TWIST2: variants seen among roughly 807,000 people sequenced by gnomAD.
The protein encoded by TWIST2 is twist-related protein 2.
TWIST2 carries 1 observed loss-of-function variant against 11.6 expected under a neutral mutation model. That is an observed-to-expected ratio of 0.09 (90% CI 0.03 to 0.41). The LOEUF is 0.41. Among genes scored for constraint, TWIST2 ranks in the 10% least tolerant of loss-of-function variants. TWIST2 has a pLI of 0.98. For missense variants in TWIST2, 168 were observed against 226.4 expected (o/e 0.74, Z 1.66); for synonymous variants, 87 against 96.6 (o/e 0.90, Z 0.58).
At chr2:238,877,654 T>C (rs998459739) in intron 1 of TWIST2, among the ~76,000 whole-genome samples, 4 of 152,284 alleles carry the variant, frequency 2.6e-5, no homozygotes, top group African/African-American at 7.2e-5. Context: ...TGAAGAAAAA[T>C]CTCTTAGCTA....
chr2:238,869,389 C>G (rs151001562), intron 1 of TWIST2, among the ~76,000 whole-genome samples: 3 of 152,156 alleles, frequency 2.0e-5, no homozygotes, highest in African/African-American at 7.2e-5. Flanking sequence ...TCCTTTGTAT[C>G]GAAGAACACA....
rs866183438 is a variant in TWIST2, at chr2:238,870,047, G to C, written c.*35+21314G>C. 2.9e-5 allele frequency among the ~76,000 whole-genome samples: 4 copies of C among 140,102 alleles called. No individual in the cohort carries two copies. The South Asian group carries it at 9.3e-4, about 33-fold the overall frequency. 91.9% of individuals were successfully genotyped at this position (140,102 alleles called of 152,430 possible). A position where few individuals can be genotyped will look rare whatever the true frequency, so the allele number is the denominator to read the frequency against. On this transcript the variant is annotated intron_variant, in intron 1 of 1. Coordinates refer to ENST00000612363, the MANE Select transcript of TWIST2 (RefSeq NM_001271893.4). Reference sequence around the variant, plus strand: ...AACCAGTGCTATAGAAGACAGTACGGAGGGTCCTCAAAAAATAAAATGCAG... The same window carrying C: ...AACCAGTGCTATAGAAGACAGTACGCAGGGTCCTCAAAAAATAAAATGCAG...
intron 1 of TWIST2, among the ~76,000 whole-genome samples, chr2:238,881,483 A>T (rs1048246245): frequency 1.3e-5 from 2 of 151,758 alleles, no homozygotes; most frequent in Non-Finnish European, 2.9e-5. Flanking sequence ...GTTAGTATCT[A>T]TTAGTGTGTT....
At chr2:238,895,390 C>T (rs1479801356) in intron 1 of TWIST2, among the ~76,000 whole-genome samples, 1 of 152,242 alleles carries the variant, frequency 6.6e-6, no homozygotes, top group African/African-American at 2.4e-5. Context: ...CCAGAAGGCC[C>T]TCCAGCACCA....
chr2:238,852,532 G>T (rs1692260214), intron 1 of TWIST2, among the ~76,000 whole-genome samples: 1 of 152,196 alleles, frequency 6.6e-6, no homozygotes, highest in Non-Finnish European at 1.5e-5. Context: ...GAATCTAAGA[G>T]ATACAGACAT....
intron 1 of TWIST2, among the ~76,000 whole-genome samples, chr2:238,904,967 A>T (rs1693322978): frequency 6.6e-6 from 1 of 152,018 alleles, no homozygotes; most frequent in Non-Finnish European, 1.5e-5. Flanking sequence ...GGATGGAAGG[A>T]AGGAAGAGAG....
At chr2:238,894,821 C>T (rs1316256558) in intron 1 of TWIST2, among the ~76,000 whole-genome samples, 1 of 152,346 alleles carries the variant, frequency 6.6e-6, no homozygotes, top group African/African-American at 2.4e-5. Context: ...CCCTCAGAAA[C>T]ATAACTGTCA....
At chr2:238,902,058 G>A (rs1005855292) in intron 1 of TWIST2, among the ~76,000 whole-genome samples, 5 of 152,246 alleles carry the variant, frequency 3.3e-5, no homozygotes, top group East Asian at 1.9e-4. Flanking sequence ...CTGGACATCC[G>A]CTCCATGCTG....
At chr2:238,899,838 A>G (rs903630785) in intron 1 of TWIST2, among the ~76,000 whole-genome samples, 1 of 152,170 alleles carries the variant, frequency 6.6e-6, no homozygotes, top group East Asian at 1.9e-4. Context: ...AGGTGTCCAA[A>G]CCGTGTCATC....
chr2:238,903,313 TATA>T (rs1278467400), intron 1 of TWIST2, among the ~76,000 whole-genome samples: 2 of 138,342 alleles, frequency 1.4e-5, no homozygotes, highest in Non-Finnish European at 3.1e-5. Context: ...GGATGTGTGA[TATA>T]GTGTGTGTGA....
At chr2:238,870,645 CAG>C (rs1217943500) in intron 1 of TWIST2, among the ~76,000 whole-genome samples, 15 of 65,824 alleles carry the variant, frequency 2.3e-4, no homozygotes, top group Non-Finnish European at 3.0e-4. Flanking sequence ...CCCACACACA[CAG>C]CACACACCAC....
chr2:238,901,507 G>A (rs1398248371), intron 1 of TWIST2, among the ~76,000 whole-genome samples: 2 of 152,288 alleles, frequency 1.3e-5, no homozygotes, highest in East Asian at 3.9e-4. Context: ...ATCCCTGTGC[G>A]GAGGCCTCTG....
intron 1 of TWIST2, among the ~76,000 whole-genome samples, chr2:238,908,878 TGTGGTGTGTG>T (rs1287654840): frequency 3.1e-3 from 12 of 3,924 alleles, no homozygotes; most frequent in Non-Finnish European, 5.1e-3. Context: ...GGTGTGTTTG[TGTGGTGTGTG>T]GTGGTGTATG....
intron 1 of TWIST2, among the ~76,000 whole-genome samples, chr2:238,909,625 G>A (rs1398350677): frequency 6.6e-6 from 1 of 152,068 alleles, no homozygotes; most frequent in Non-Finnish European, 1.5e-5. Flanking sequence ...AAAGGGCTTG[G>A]CCTGGCCCAG....
chr2:238,881,351 T>C (rs1692924734), intron 1 of TWIST2, among the ~76,000 whole-genome samples: 1 of 150,258 alleles, frequency 6.7e-6, no homozygotes, highest in Admixed American at 6.7e-5. Context: ...GTGTCAGTGT[T>C]AGTATTAGTG....
intron 1 of TWIST2, among the ~76,000 whole-genome samples, chr2:238,905,239 A>G (rs1693327122): frequency 6.6e-6 from 1 of 152,142 alleles, no homozygotes; most frequent in Non-Finnish European, 1.5e-5. Context: ...GGAAGACACA[A>G]CTGAGGCACT....
At position 238,864,445 on chromosome 2, in the gene TWIST2, G is replaced by T. The variant is rs1407026070; in HGVS notation, c.*35+15712G>T. 1.3e-5 allele frequency among the ~76,000 whole-genome samples: 2 copies of T among 152,236 alleles called. No individual in the cohort carries two copies. Among genetic ancestry groups the T allele is most frequent in the Non-Finnish European group, 2.9e-5 (2 of 68,048 alleles). ...AGCCGTGGCTTTTTGTCCTCTGGCT[G>T]TGCAAATAAACAGAGCAGGAAGGTT... On this transcript the variant is annotated intron_variant, in intron 1 of 1. Coordinates refer to ENST00000612363, the MANE Select transcript of TWIST2 (RefSeq NM_001271893.4). This position sits in a 1 kb window ranked among gnomAD's most constrained non-coding sequence, Gnocchi z 4.7.
intron 1 of TWIST2, among the ~76,000 whole-genome samples, chr2:238,869,138 C>T (rs772037468): frequency 1.3e-5 from 2 of 152,180 alleles, no homozygotes; most frequent in Non-Finnish European, 2.9e-5. Context: ...AGCCTGCTTC[C>T]GAAGCGAGCA....
rs113598582 is a variant in TWIST2 at position 238,885,076 on chromosome 2, C to A, written c.*36-24766C>A. On this transcript the variant is annotated intron_variant, in intron 1 of 1. Transcript: ENST00000612363. The stretch of plus-strand genomic sequence containing the variant: ...CCCTGGTCCGTTAGGAGCTTCTGCA[C>A]CTTCTCATGCCTCTCAGCCCTCAGT... 8.2e-3 allele frequency among the ~76,000 whole-genome samples: 1,242 copies of A among 152,324 alleles called. 22 individuals are homozygous for A. Among genetic ancestry groups the A allele is most frequent in the African/African-American group, 0.029 (1,197 of 41,576 alleles).
Sources: allele counts gnomAD v4.1 joint callset (sites outside exome capture counted in the v4.1 genomes callset), GRCh38; gene constraint gnomAD v4.1.1; non-coding constraint Gnocchi (gnomAD v3.1); transcripts MANE v1.5; gene names NCBI Gene and HGNC (gene_info 2026-07-23, HGNC 2026-07-21).